STK32C: variants seen among roughly 807,000 people sequenced by gnomAD.
The protein encoded by STK32C is serine/threonine-protein kinase 32C.
In STK32C, 31 loss-of-function variants were observed where a neutral mutation model predicts 56.5. The observed-to-expected ratio is 0.55, with a 90% CI of 0.41 to 0.74. The LOEUF is 0.74. STK32C is among the 30% of genes least tolerant of loss of function. The pLI is 0.00. For missense variants in STK32C, 544 were observed against 676.9 expected, an observed-to-expected ratio of 0.80 and a Z score of 2.18; for synonymous variants, 309 against 289.4, an observed-to-expected ratio of 1.07 and a Z score of -0.69.
At chr10:132,279,004 T>C (rs756548278) in intron 1 of STK32C, among the ~76,000 whole-genome samples, 3 of 152,140 alleles carry the variant, frequency 2.0e-5, no homozygotes, top group Non-Finnish European at 2.9e-5. Flanking sequence ...AGATGCCCTT[T>C]GTCTTGAATA....
intron 10 of STK32C, among the ~76,000 whole-genome samples, chr10:132,212,338 C>A (rs1358931910): frequency 1.3e-5 from 2 of 152,210 alleles, no homozygotes. Flanking sequence ...CTCTCTTCAG[C>A]AAATGGTGCT....
At chr10:132,277,117 AAG>A (rs1345352336) in intron 1 of STK32C, among the ~76,000 whole-genome samples, 2 of 152,288 alleles carry the variant, frequency 1.3e-5, no homozygotes, top group Non-Finnish European at 2.9e-5. Context: ...CTCCAAAAAT[AAG>A]AGTCAGAAGA....
intron 2 of STK32C, among the ~76,000 whole-genome samples, chr10:132,234,347 C>T (rs528403298): frequency 4.6e-5 from 7 of 152,214 alleles, no homozygotes; most frequent in Non-Finnish European, 4.4e-5. Context: ...GGCACCTCCA[C>T]GTCCCTTCCT....
chr10:132,238,754 TAC>T (rs1176915482), intron 2 of STK32C, among the ~76,000 whole-genome samples: 1 of 152,044 alleles, frequency 6.6e-6, no homozygotes, highest in African/African-American at 2.4e-5. Flanking sequence ...GCGTTGGAAA[TAC>T]ACAGTTCATA....
downstream of STK32C, among the ~76,000 whole-genome samples, chr10:132,323,578 T>G (rs1298938707): frequency 6.6e-6 from 1 of 152,206 alleles, no homozygotes; most frequent in Non-Finnish European, 1.5e-5. The surrounding 1 kb of genome is among the most constrained non-coding windows in gnomAD (Gnocchi z 4.8). Flanking sequence ...AAAACCTGTG[T>G]CTATGTTAGG....
intron 1 of STK32C, among the ~76,000 whole-genome samples, chr10:132,269,433 A>C (rs2064742737): frequency 6.6e-6 from 1 of 152,190 alleles, no homozygotes; most frequent in Admixed American, 6.5e-5. Context: ...CCCTGAGCTC[A>C]GGGCTGCCTC....
chr10:132,269,089 C>CTGTG, intron 1 of STK32C, among the ~76,000 whole-genome samples: 1 of 148,124 alleles, frequency 6.8e-6, no homozygotes, highest in South Asian at 2.2e-4. Context: ...GCAGCTGTGC[C>CTGTG]TGCGTGCGTC....
chr10:132,318,830 T>A (rs1305789267), intron 1 of STK32C, among the ~76,000 whole-genome samples: 2 of 151,106 alleles, frequency 1.3e-5, no homozygotes, highest in South Asian at 4.2e-4. Flanking sequence ...TAAACCTCCA[T>A]GAGATACAAC....
chr10:132,235,459 GC>G (rs11330930), intron 2 of STK32C, among the ~76,000 whole-genome samples: 94,792 of 133,868 alleles, frequency 0.71, 33,900 homozygotes, highest in Admixed American at 0.77. Context: ...TTGCACCATT[GC>G]ACTCCAGCCT....
exon 1 of STK32C, chr10:132,331,752 C>T (rs1055597427): frequency 1.1e-5 from 17 of 1,611,134 alleles, no homozygotes; most frequent in Admixed American, 1.7e-5. Context: ...TCTCTTCCTT[C>T]CCCTCTGTGC....
intron 1 of STK32C, among the ~76,000 whole-genome samples, chr10:132,248,039 C>T (rs557390611): frequency 6.6e-6 from 1 of 151,586 alleles, no homozygotes; most frequent in East Asian, 2.0e-4. Context: ...GGCAGCTGCC[C>T]CACCCTGCAT....
intron 1 of STK32C, 113 bp from the exon 2 acceptor site, chr10:132,246,068 A>AG: frequency 3.7e-6 from 4 of 1,091,600 alleles, no homozygotes; most frequent in Non-Finnish European, 5.6e-6. Context: ...CCCTCATCCT[A>AG]GAAGAGGGTC....
chr10:132,246,026 T>A (rs2063675089), intron 1 of STK32C, 71 bp from the exon 2 acceptor site: 2 of 1,443,528 alleles, frequency 1.4e-6, no homozygotes, highest in African/African-American at 2.8e-5. Context: ...CTCCCCCACC[T>A]CAACATCCCC....
intron 4 of STK32C, among the ~76,000 whole-genome samples, chr10:132,226,421 A>T (rs1242181560): frequency 6.6e-6 from 1 of 152,124 alleles, no homozygotes; most frequent in African/African-American, 2.4e-5. Flanking sequence ...CTTTAAGCTA[A>T]TGTTAAAATT....
At chr10:132,247,113 G>A (rs556239559) in intron 1 of STK32C, among the ~76,000 whole-genome samples, 1 of 152,342 alleles carries the variant, frequency 6.6e-6, no homozygotes, top group African/African-American at 2.4e-5. Context: ...CAAGGCCAGA[G>A]GCAGACCCGG....
rs1000804908 is a variant in STK32C at position 132,307,882 on chromosome 10, C to T, written c.-49G>A. 2 of 1,139,032 alleles carry T rather than the reference C, an allele frequency of 1.8e-6. No homozygotes were observed. The highest frequency in any genetic ancestry group is 2.2e-6 in the Non-Finnish European group (2 of 922,660). The allele number at this position is 1,139,032 out of a possible 1,614,324, so 70.6% of individuals were successfully genotyped here. ...AGCCGGAACTCGGGGCATGGCCGGCCGGCAGGGCCGGGAGCGGCAGTGGTA... is the reference window on the plus strand; with the variant it reads ...AGCCGGAACTCGGGGCATGGCCGGCTGGCAGGGCCGGGAGCGGCAGTGGTA... On this transcript the variant is annotated 5_prime_UTR_variant, in exon 1 of 12. Coordinates refer to ENST00000298630, the MANE Select transcript of STK32C (RefSeq NM_173575.4). The surrounding 1 kb of genome is among the most constrained non-coding windows in gnomAD (Gnocchi z 4.4).
intron 8 of STK32C, 32 bp downstream of exon 8, chr10:132,224,375 G>A: frequency 1.3e-6 from 2 of 1,499,396 alleles, no homozygotes; most frequent in Non-Finnish European, 1.8e-6. Context: ...TGGGTGCTCG[G>A]AGGGTGAGGA....
intron 1 of STK32C, among the ~76,000 whole-genome samples, chr10:132,271,416 C>T (rs186285931): frequency 5.9e-5 from 9 of 152,326 alleles, no homozygotes; most frequent in Middle Eastern, 3.4e-3. Flanking sequence ...GTTCCCAGAG[C>T]CCCCAGCTCC....
intron 1 of STK32C, among the ~76,000 whole-genome samples, chr10:132,295,043 A>T (rs1298930466): frequency 1.3e-5 from 2 of 152,172 alleles, no homozygotes; most frequent in Non-Finnish European, 2.9e-5. Flanking sequence ...CAGTAAACCC[A>T]GAGAAACAGC....
Sources: allele counts gnomAD v4.1 joint callset (sites outside exome capture counted in the v4.1 genomes callset), GRCh38; gene constraint gnomAD v4.1.1; non-coding constraint Gnocchi (gnomAD v3.1); transcripts MANE v1.5; gene names NCBI Gene and HGNC (gene_info 2026-07-23, HGNC 2026-07-21).